Variants in GIT2 observed in about 807,000 individuals in gnomAD.
GIT2 encodes GIT ArfGAP 2.
In GIT2, 32 loss-of-function variants were observed where a neutral mutation model predicts 100.3. The observed-to-expected ratio is 0.32, with a 90% confidence interval of 0.24 to 0.43. GIT2 has a LOEUF of 0.43. Among genes scored for constraint, GIT2 ranks in the 20% least tolerant of loss-of-function variants. GIT2 has a pLI of 1.00. For missense variants in GIT2, 737 were observed against 975.1 expected (o/e 0.76, Z 3.25); for synonymous variants, 353 against 364.1 (o/e 0.97, Z 0.35).
At chr12:109,957,486 C>A (rs910915263) in intron 12 of GIT2, among the ~76,000 whole-genome samples, 2 of 151,458 alleles carry the variant, frequency 1.3e-5, no homozygotes, top group African/African-American at 4.9e-5. Flanking sequence ...ATTACATATT[C>A]TTTTAAAAAA....
In GIT2 at chr12:109,951,123, T is replaced by A. The variant is rs768032708; in HGVS notation, c.1392+44A>T. The A allele has an allele frequency of 1.9e-6, 3 of 1,542,994 alleles. No homozygotes were observed. The South Asian group carries it at 3.3e-5, about 17-fold the overall frequency. Reference sequence around the variant, plus strand: ...GTGCCTGAGATTCTTCCTTGTACTATGGGATTAAAGCGTCAACCGTCCTGG... The same window carrying A: ...GTGCCTGAGATTCTTCCTTGTACTAAGGGATTAAAGCGTCAACCGTCCTGG... On this transcript the variant is annotated intron_variant, in intron 14 of 19. Transcript: ENST00000355312.
At chr12:109,981,970 G>A (rs1216054185) in intron 6 of GIT2, 10 of 152,178 alleles carry the variant, frequency 6.6e-5, no homozygotes, top group South Asian at 2.1e-4. Context: ...ATTTGTGAGA[G>A]GCACATCTTA....
In GIT2 at chr12:109,955,348, G is replaced by A. The variant is rs369832754; in HGVS notation, c.1100-2114C>T. Among the ~76,000 whole-genome samples, 49 of 152,132 alleles carry A rather than the reference G, an allele frequency of 3.2e-4. 1 individual carries two copies. Among genetic ancestry groups the A allele is most frequent in the Admixed American group, 1.4e-3 (22 of 15,270 alleles). ...TCACCGTGTTAGCCAGGAAGGTCTC[G>A]ATCTTCTGACCTCGTGATCTGCCCA... On this transcript the variant is annotated intron_variant, in intron 12 of 19. Transcript: ENST00000355312.
chr12:109,951,618 G>T (rs1207682443), intron 13 of GIT2, among the ~76,000 whole-genome samples: 1 of 152,138 alleles, frequency 6.6e-6, no homozygotes, highest in Non-Finnish European at 1.5e-5. Flanking sequence ...CTCTTGTTTT[G>T]TTTTTATTCA....
intron 1 of GIT2, 77 bp downstream of exon 1, chr12:109,996,096 G>A (rs1889364882): frequency 1.1e-6 from 1 of 947,712 alleles, no homozygotes; most frequent in Admixed American, 2.9e-5. Flanking sequence ...GATGCAGCCT[G>A]ACCTGAGGGG....
At chr12:109,982,667 G>A (rs1886547220) in intron 6 of GIT2, 2 of 138,412 alleles carry the variant, frequency 1.4e-5, no homozygotes, top group Admixed American at 1.5e-4. Context: ...TTGAGACAGA[G>A]TCTTGCCCTG....
rs1442297560 is a variant in GIT2 at position 109,996,254 on chromosome 12, G to A, written c.-30C>T. ...CCCACCTCCCACCTGCGGGGAACTAGAGGCCGGGGGACAGCAAAGGCGGCG... is the reference window on the plus strand; with the variant it reads ...CCCACCTCCCACCTGCGGGGAACTAAAGGCCGGGGGACAGCAAAGGCGGCG... On this transcript the variant is annotated 5_prime_UTR_variant, in exon 1 of 20. Transcript: ENST00000355312. The A allele has an allele frequency of 6.7e-7, 1 of 1,490,574 alleles. No homozygotes were observed. The highest frequency in any genetic ancestry group is 1.4e-5 in the African/African-American group (1 of 69,474). 92.3% of individuals were successfully genotyped at this position (1,490,574 alleles called of 1,614,324 possible). A position where few individuals can be genotyped will look rare whatever the true frequency, so the allele number is the denominator to read the frequency against.
At chr12:109,988,478 G>C (rs1373096975) in intron 4 of GIT2, among the ~76,000 whole-genome samples, 2 of 151,914 alleles carry the variant, frequency 1.3e-5, no homozygotes, top group Admixed American at 6.6e-5. Flanking sequence ...GATGGTCAAG[G>C]CTGCAGTGAA....
chr12:109,935,709 A>G (rs1872784957), intron 18 of GIT2, among the ~76,000 whole-genome samples: 1 of 152,180 alleles, frequency 6.6e-6, no homozygotes, highest in Admixed American at 6.5e-5. Flanking sequence ...GAAGAGTTTT[A>G]TATTTTGTTG....
chr12:109,960,765 G>A (rs1410403317), intron 11 of GIT2, among the ~76,000 whole-genome samples: 1 of 152,116 alleles, frequency 6.6e-6, no homozygotes, highest in Non-Finnish European at 1.5e-5. Flanking sequence ...AAAATCACGT[G>A]CATAAATCTA....
intron 4 of GIT2, 52 bp from the exon 5 acceptor site, chr12:109,983,746 A>G (rs761909680): frequency 8.7e-7 from 1 of 1,144,216 alleles, no homozygotes; most frequent in Admixed American, 1.8e-5. Context: ...GTAAAGAATG[A>G]TGTCCTAGGG....
chr12:109,939,001 C>T (rs141819768), intron 17 of GIT2, 164 bp downstream of exon 17: 165 of 615,052 alleles, frequency 2.7e-4, no homozygotes, highest in African/African-American at 2.2e-3. Context: ...TGTGAGATGA[C>T]AAGACATGTA....
chr12:109,998,683 T>C (rs1889763369), upstream of GIT2: 1 of 152,202 alleles, frequency 6.6e-6, no homozygotes, highest in Non-Finnish European at 1.5e-5. Flanking sequence ...CATTCATACA[T>C]GGACTAAATC....
intron 16 of GIT2, among the ~76,000 whole-genome samples, chr12:109,941,608 G>A (rs911288611): frequency 8.0e-5 from 12 of 150,810 alleles, no homozygotes; most frequent in Admixed American, 6.6e-4. Context: ...TGCAACCTCC[G>A]CCTCCCAGGT....
chr12:109,992,289 G>A lies in GIT2; in HGVS notation c.53-529C>T, dbSNP rs1034651981. The stretch of plus-strand genomic sequence containing the variant: ...AGCCTCCCGAGTAGCTGGGATTACA[G>A]GCATGCACCACCACGCCCGGCTAAT... On this transcript the variant is annotated intron_variant, in intron 1 of 19. Transcript: ENST00000355312. Among the ~76,000 whole-genome samples, 9 of 149,456 alleles carry A rather than the reference G, an allele frequency of 6.0e-5. No homozygotes were observed. In the East Asian group the frequency reaches 1.4e-3, roughly 23 times the overall value.
intron 7 of GIT2, among the ~76,000 whole-genome samples, chr12:109,980,546 G>A (rs1278400556): frequency 6.6e-6 from 1 of 152,174 alleles, no homozygotes; most frequent in Non-Finnish European, 1.5e-5. Flanking sequence ...ATCACAAATA[G>A]CCAAGTTGGC....
At chr12:109,964,620 G>GACACACACACACACACACACACAC (rs58007337) in intron 9 of GIT2, among the ~76,000 whole-genome samples, 1 of 118,976 alleles carries the variant, frequency 8.4e-6, no homozygotes, top group Non-Finnish European at 1.7e-5. Context: ...TTAATCTAAA[G>GACACACACACACACACACACACAC]ACACACACAC....
chr12:109,952,891 C>T lies in GIT2; in HGVS notation c.1242+201G>A, dbSNP rs117645704. ...GAATGAATAAAACACACCAATCACT[C>T]CTCACAAGTTTTATAAAGTCTCAAC... On this transcript the variant is annotated intron_variant, in intron 13 of 19. Coordinates refer to ENST00000355312, the MANE Select transcript of GIT2 (RefSeq NM_057169.5). 1.2e-5 allele frequency: 7 copies of T among 598,714 alleles called. No homozygotes were observed. In the East Asian group the frequency reaches 1.9e-4, roughly 17 times the overall value. 37.1% of individuals were successfully genotyped at this position (598,714 alleles called of 1,614,324 possible). A position where few individuals can be genotyped will look rare whatever the true frequency, so the allele number is the denominator to read the frequency against.
chr12:109,937,933 C>T (rs1873502528), intron 18 of GIT2, among the ~76,000 whole-genome samples: 1 of 152,172 alleles, frequency 6.6e-6, no homozygotes, highest in Non-Finnish European at 1.5e-5. Flanking sequence ...GAACTCCTGA[C>T]CTCAGGTGAT....
Sources: gnomAD v4.1 joint callset for allele counts (sites outside exome capture counted in the v4.1 genomes callset) on GRCh38, gnomAD v4.1.1 for gene constraint, MANE v1.5 for transcripts, NCBI Gene and HGNC (gene_info 2026-07-23, HGNC 2026-07-21) for gene names.